The following TMEM108 variants were observed in gnomAD, a reference collection of about 807,000 sequenced individuals.
TMEM108 encodes transmembrane protein 108, also known as cancer/testis antigen 124.
TMEM108 carries 12 observed loss-of-function variants against 35.1 expected under a neutral mutation model. The observed-to-expected ratio is 0.34, with a 90% CI of 0.22 to 0.55. The LOEUF (loss-of-function observed/expected upper bound fraction) is 0.55, where lower values mean the gene tolerates loss of function less well. TMEM108 is among the 20% of genes least tolerant of loss of function. The pLI, the probability that TMEM108 is intolerant of heterozygous loss-of-function variation, is 0.89. For synonymous variants in TMEM108, 287 were observed against 308.6 expected, an observed-to-expected ratio of 0.93 and a Z score of 0.73; for missense variants, 680 against 753.3, an observed-to-expected ratio of 0.90 and a Z score of 1.14.
rs536278747 is a variant in TMEM108, at chr3:133,390,405, C to A, written c.1605+71C>A. The stretch of plus-strand genomic sequence containing the variant: ...CAAAGAGAGCCATGGGGCATCTGCT[C>A]ATTTCTGAGTGCCTTGCTCCTTAAC... On this transcript the variant is annotated intron_variant, in intron 5 of 5. Transcript: ENST00000321871. The A allele has an allele frequency of 6.5e-5, 101 of 1,553,516 alleles. No homozygotes were observed. The African/African-American group carries it at 1.3e-3, about 20-fold the overall frequency.
intron 3 of TMEM108, among the ~76,000 whole-genome samples, chr3:133,234,849 A>T (rs1477109753): frequency 6.6e-6 from 1 of 152,034 alleles, no homozygotes; most frequent in African/African-American, 2.4e-5. Flanking sequence ...TATCTAGAAA[A>T]CCCCATTGTC....
At chr3:133,073,945 A>G (rs912156721) in intron 2 of TMEM108, among the ~76,000 whole-genome samples, 33 of 152,130 alleles carry the variant, frequency 2.2e-4, no homozygotes, top group African/African-American at 7.0e-4. Flanking sequence ...AAATATGGTC[A>G]TTTGTATGTC....
intron 3 of TMEM108, among the ~76,000 whole-genome samples, chr3:133,370,584 T>A (rs2072630456): frequency 6.6e-6 from 1 of 152,172 alleles, no homozygotes; most frequent in Non-Finnish European, 1.5e-5. Context: ...ACTGATGCAT[T>A]TGTGTTCTTT....
chr3:133,048,896 T>G (rs1943370442), intron 2 of TMEM108, among the ~76,000 whole-genome samples: 2 of 152,234 alleles, frequency 1.3e-5, no homozygotes, highest in Admixed American at 6.5e-5. Context: ...TTGAAGTTTT[T>G]GTTCTAGTAC....
chr3:133,362,810 G>A (rs1048280848), intron 3 of TMEM108, among the ~76,000 whole-genome samples: 4 of 152,108 alleles, frequency 2.6e-5, no homozygotes, highest in African/African-American at 9.7e-5. Flanking sequence ...CCCACATCCT[G>A]CTGGTGCTAG....
chr3:133,127,914 C>T (rs576521558), intron 2 of TMEM108, among the ~76,000 whole-genome samples: 35 of 151,908 alleles, frequency 2.3e-4, no homozygotes, highest in South Asian at 8.3e-4. Flanking sequence ...GTGGCTGGGC[C>T]GAGAAACTTT....
At chr3:133,387,101 C>T (rs894215029) in intron 4 of TMEM108, 1 of 985,464 alleles carries the variant, frequency 1.0e-6, no homozygotes, top group East Asian at 1.1e-4. Context: ...TGTCCTTGAG[C>T]CACCCAATAG....
chr3:133,167,254 A>G (rs907543111), intron 2 of TMEM108, among the ~76,000 whole-genome samples: 1 of 152,218 alleles, frequency 6.6e-6, no homozygotes, highest in Non-Finnish European at 1.5e-5. Context: ...TGGTGCATAT[A>G]CAATCCTCCA....
chr3:133,295,302 G>A (rs1947128660), intron 3 of TMEM108, among the ~76,000 whole-genome samples: 1 of 152,108 alleles, frequency 6.6e-6, no homozygotes, highest in Non-Finnish European at 1.5e-5. Flanking sequence ...CTGGAGGGAG[G>A]GATGGAGAAG....
chr3:133,358,276 A>G (rs1340453760), intron 3 of TMEM108, among the ~76,000 whole-genome samples: 1 of 151,834 alleles, frequency 6.6e-6, no homozygotes, highest in Non-Finnish European at 1.5e-5. Context: ...GGTTCAAGCA[A>G]TCCTCCTGCC....
chr3:133,191,701 C>T (rs1945500135), intron 2 of TMEM108, among the ~76,000 whole-genome samples: 1 of 152,148 alleles, frequency 6.6e-6, no homozygotes, highest in African/African-American at 2.4e-5. Flanking sequence ...AGTCAAGATT[C>T]ATATGTTATC....
chr3:133,154,204 A>G (rs928192378), intron 2 of TMEM108, among the ~76,000 whole-genome samples: 1 of 151,790 alleles, frequency 6.6e-6, no homozygotes, highest in African/African-American at 2.4e-5. Flanking sequence ...TTGTCAGATG[A>G]GTAGGTTGCA....
At chr3:133,368,445 A>G (rs540662512) in intron 3 of TMEM108, among the ~76,000 whole-genome samples, 11 of 152,284 alleles carry the variant, frequency 7.2e-5, no homozygotes, top group African/African-American at 2.4e-4. Context: ...TGCCTAGGTA[A>G]TTAGGAATGG....
intron 3 of TMEM108, among the ~76,000 whole-genome samples, chr3:133,322,855 G>A (rs1473037359): frequency 6.6e-6 from 1 of 152,072 alleles, no homozygotes; most frequent in Non-Finnish European, 1.5e-5. Flanking sequence ...ATGCAGGGAT[G>A]GTTTAACATA....
chr3:133,073,195 C>T (rs900171796), intron 2 of TMEM108, among the ~76,000 whole-genome samples: 1 of 151,862 alleles, frequency 6.6e-6, no homozygotes, highest in Admixed American at 6.6e-5. Flanking sequence ...ACTATAATCA[C>T]GTTGTTGTAT....
At chr3:133,309,012 G>A (rs1437812621) in intron 3 of TMEM108, among the ~76,000 whole-genome samples, 1 of 152,124 alleles carries the variant, frequency 6.6e-6, no homozygotes, top group East Asian at 1.9e-4. Flanking sequence ...TGGTTGGTGG[G>A]CTATTAATTA....
chr3:133,046,507 T>A lies in TMEM108; in HGVS notation c.-47+487T>A, dbSNP rs376115649. ...AAAGTGTTGAAAATTCCAGATTTGG[T>A]GTATAATAGCACTAGCAAAGTACAT... On this transcript the variant is annotated intron_variant, in intron 2 of 5. Coordinates refer to ENST00000321871, the MANE Select transcript of TMEM108 (RefSeq NM_023943.4). 4.7e-4 allele frequency among the ~76,000 whole-genome samples: 72 copies of A among 152,344 alleles called. No homozygotes were observed. The South Asian group carries it at 0.014, about 29-fold the overall frequency.
rs192388049 is a variant in TMEM108, at chr3:133,130,921, T to C, written c.-47+84901T>C. On this transcript the variant is annotated intron_variant, in intron 2 of 5. Coordinates refer to ENST00000321871, the MANE Select transcript of TMEM108 (RefSeq NM_023943.4). ...ACTTTTCAAGAAAATTATCTGAAAA[T>C]TTATGACACTCTATCTACTGTTAAA... 4.6e-5 allele frequency among the ~76,000 whole-genome samples: 7 copies of C among 152,294 alleles called. No homozygotes were observed. The East Asian group carries it at 1.3e-3, about 29-fold the overall frequency.
At chr3:133,254,238 A>G (rs148317339) in intron 3 of TMEM108, among the ~76,000 whole-genome samples, 2 of 152,208 alleles carry the variant, frequency 1.3e-5, no homozygotes, top group Non-Finnish European at 2.9e-5. Flanking sequence ...GGAAAATTTC[A>G]TCTATAACAA....
Sources: allele counts gnomAD v4.1 joint callset (sites outside exome capture counted in the v4.1 genomes callset), GRCh38; gene constraint gnomAD v4.1.1; transcripts MANE v1.5; gene names NCBI Gene and HGNC (gene_info 2026-07-23, HGNC 2026-07-21).